AMPD1: variants seen among roughly 807,000 people sequenced by gnomAD.
AMPD1 encodes adenosine monophosphate deaminase 1, also known as AMP deaminase 1.
Under a neutral mutation model 82.9 loss-of-function variants are expected in AMPD1, and 74 were observed. That is an observed-to-expected ratio of 0.89 (90% confidence interval 0.74 to 1.08). The LOEUF is 1.08. Among genes scored for constraint, AMPD1 ranks in the 50% least tolerant of loss-of-function variants. The pLI is 0.00. For synonymous variants in AMPD1, 333 were observed against 320.5 expected, an observed-to-expected ratio of 1.04 and a Z score of -0.42; for missense variants, 881 against 924.5, an observed-to-expected ratio of 0.95 and a Z score of 0.61.
intron 3 of AMPD1, 139 bp downstream of exon 3, chr1:114,688,422 C>A: frequency 2.0e-6 from 2 of 1,008,414 alleles, no homozygotes; most frequent in Non-Finnish European, 3.1e-6. Context: ...GCCACTGTGC[C>A]CAGTCTTAGG....
chr1:114,673,167 T>C lies in AMPD1; in HGVS notation c.2191A>G (p.Thr731Ala). 6.2e-7 allele frequency: 1 copy of C among 1,614,102 alleles called. No homozygotes were observed. Among genetic ancestry groups the C allele is most frequent in the Non-Finnish European group, 8.5e-7 (1 of 1,180,004 alleles). Residue 731 changes from threonine to alanine, a missense_variant, in exon 16 of 16, where the codon ACC becomes GCC. Coordinates refer to ENST00000520113, the MANE Select transcript of AMPD1 (RefSeq NM_000036.3). Reference protein sequence around the residue: ...AQIRMAYRYETWCYELNLIAE... With the variant: ...AQIRMAYRYEAWCYELNLIAE... Reference sequence around the variant, plus strand: ...ATTAAATTGAGTTCATAACACCAGGTTTCATAGCGATAGGCCATGCGGATT... The same window carrying C: ...ATTAAATTGAGTTCATAACACCAGGCTTCATAGCGATAGGCCATGCGGATT...
chr1:114,681,934 A>G (rs943185145), intron 5 of AMPD1, among the ~76,000 whole-genome samples: 3 of 152,256 alleles, frequency 2.0e-5, no homozygotes, highest in African/African-American at 4.8e-5. Context: ...TGTAAGAGTG[A>G]TAATTCTTAT....
In AMPD1 at chr1:114,688,630, A is replaced by T. The variant is rs767938874; in HGVS notation, c.146T>A (p.Ile49Asn). 5.0e-6 allele frequency: 8 copies of T among 1,614,082 alleles called. No homozygotes were observed. The highest frequency in any genetic ancestry group is 1.3e-5 in the African/African-American group (1 of 74,936). Residue 49 changes from isoleucine (I) to asparagine (N), a missense_variant, in exon 3 of 16, where the codon ATT becomes AAT. Around this residue, in one of 2 missense-constraint regions of AMPD1, gnomAD observed 783 missense variants for 786.4 expected, o/e 1.00. Transcript: ENST00000520113. ...GTGTGCTTGCATCTCATGATGAGAA[A>T]TCGGACAGATCTCATCCACATCAAA... ...SPFDVDEICP[I>N]SHHEMQAHIF...
rs1557968226 is a variant in AMPD1, at chr1:114,674,857, ATTCAT to A, written c.1690_1694del (p.Met564TyrfsTer26). 6.2e-7 allele frequency: 1 copy of A among 1,614,146 alleles called. No homozygotes were observed. Among genetic ancestry groups the A allele is most frequent in the East Asian group, 2.2e-5 (1 of 44,870 alleles). On this transcript the variant is annotated frameshift_variant, in exon 13 of 16. Coordinates refer to ENST00000520113, the MANE Select transcript of AMPD1 (RefSeq NM_000036.3). LOFTEE classifies it high-confidence loss of function. ...CACAGTGAGGTCGGAACAGAAACGT[ATTCAT>A]GCCTCGTTCCCTGGGGAAATAGAAC...
At chr1:114,689,469 G>T (rs1469591856) in intron 2 of AMPD1, among the ~76,000 whole-genome samples, 1 of 152,054 alleles carries the variant, frequency 6.6e-6, no homozygotes, top group Admixed American at 6.6e-5. Flanking sequence ...AAAATGGGGG[G>T]AAATGATGCT....
At position 114,680,311 on chromosome 1, in the gene AMPD1, T is replaced by G. The variant is rs912949253; in HGVS notation, c.715A>C (p.Thr239Pro). The G allele has an allele frequency of 3.1e-6, 5 of 1,614,046 alleles. No homozygotes were observed. In the Admixed American group the frequency reaches 8.3e-5, roughly 27 times the overall value. ...AAAAAATTCATATCGTCTAAGAAGG[T>G]GTCCAGATTTGGGTAAGGAAGTGGC... ...PKPLPYPNLD[T>P]FLDDMNFLLA... is the part of the protein sequence containing the mutation. Residue 239 changes from threonine to proline, a missense_variant, in exon 6 of 16, where the codon ACC (threonine) becomes CCC (proline). Transcript: ENST00000520113.
intron 4 of AMPD1, among the ~76,000 whole-genome samples, chr1:114,686,320 A>G (rs182631959): frequency 5.8e-4 from 88 of 151,564 alleles, no homozygotes; most frequent in Non-Finnish European, 1.1e-3. Flanking sequence ...GGTTTATGCT[A>G]TCTGCAACCC....
chr1:114,690,515 T>C (rs2101725763), intron 2 of AMPD1, among the ~76,000 whole-genome samples: 1 of 152,322 alleles, frequency 6.6e-6, no homozygotes, highest in Non-Finnish European at 1.5e-5. Context: ...AAACCTGGTT[T>C]GTTACAGCAA....
At position 114,674,040 on chromosome 1, in the gene AMPD1, T is replaced by A. The variant is rs748560344; in HGVS notation, c.1843A>T (p.Ile615Phe). 2.5e-6 allele frequency: 4 copies of A among 1,614,022 alleles called. No homozygotes were observed. The highest frequency in any genetic ancestry group is 3.4e-6 in the Non-Finnish European group (4 of 1,179,936). The change falls in exon 14 of 16, where the codon ATC (isoleucine) becomes TTC (phenylalanine). Residue 615 changes from isoleucine (I) to phenylalanine (F), a missense_variant. By Grantham distance (21) the Ile-to-Phe change is conservative. Transcript: ENST00000520113. ...TTGTTACTTAGTGGTGACATGGCGA[T>A]GGGAATTTGGGCTAAGAAAAACAAG... The part of the protein sequence containing the change: ...QYLFFLAQIP[I>F]AMSPLSNNSL...
intron 7 of AMPD1, among the ~76,000 whole-genome samples, chr1:114,679,075 G>A (rs929478194): frequency 6.6e-6 from 1 of 152,146 alleles, no homozygotes; most frequent in African/African-American, 2.4e-5. Flanking sequence ...TCATTTTAAT[G>A]GTCAGAATAC....
At position 114,673,677 on chromosome 1, in the gene AMPD1, C is replaced by T. The variant is rs778084094; in HGVS notation, c.2047G>A (p.Ala683Thr). The change falls in exon 15 of 16, where the codon GCA becomes ACA. Residue 683 changes from alanine (A) to threonine (T), a missense_variant. This residue lies in a region of AMPD1 where 98 missense variants were observed against 138.1 expected (regional missense o/e 0.71). Coordinates refer to ENST00000520113, the MANE Select transcript of AMPD1 (RefSeq NM_000036.3). ...KLSTCDMCEV[A>T]RNSVLQCGIS... ...CCACACTGCAAGACACTGTTCCTTG[C>T]CACTTCGCACATATCACAGGTGCTC... is the stretch of plus-strand genomic sequence containing the variant. The T allele has an allele frequency of 6.2e-7, 1 of 1,614,080 alleles. No individual in the cohort carries two copies.
intron 1 of AMPD1, among the ~76,000 whole-genome samples, chr1:114,693,905 A>G (rs1658595918): frequency 6.6e-6 from 1 of 152,168 alleles, no homozygotes; most frequent in Admixed American, 6.5e-5. Flanking sequence ...CTTATACTTA[A>G]AAAAACCATA....
Position 114,686,802 on chromosome 1 carries a change from G to T in AMPD1, c.324C>A (p.Thr108=), listed in dbSNP as rs1326041278. The change falls in exon 4 of 16, where the codon ACC becomes ACA. Residue 108 remains threonine (T), a synonymous_variant. Transcript: ENST00000520113. ...TCTGAAAATCAGGCACGGTCTGGTA[G>T]GTTGGAGATGAGGAAATGTATTCAT... ...HIDEYISSSP[T]YQTVPDFQRV... is the part of the protein sequence containing the mutation. 6.2e-7 allele frequency: 1 copy of T among 1,614,158 alleles called. No individual in the cohort carries two copies. Among genetic ancestry groups the T allele is most frequent in the African/African-American group, 1.3e-5 (1 of 75,052 alleles).
rs770870863 is a variant in AMPD1 at position 114,677,504 on chromosome 1, G to C, written c.1235C>G (p.Ala412Gly). ...YFATIIKEVG[A>G]DLVEAKYQHA... is the part of the protein sequence containing the mutation. ...CTGGTACTTGGCCTCCACCAGGTCC[G>C]CACCTACCTCCTGCAAAGCCAAGAG... The change falls in exon 10 of 16, where the codon GCG becomes GGG. Residue 412 changes from alanine to glycine, a missense_variant. Ala to Gly is a moderately conservative substitution (Grantham distance 60, BLOSUM62 0). Transcript: ENST00000520113. 1.2e-6 allele frequency: 2 copies of C among 1,613,446 alleles called. No homozygotes were observed. Among genetic ancestry groups the C allele is most frequent in the African/African-American group, 2.7e-5 (2 of 74,682 alleles).
At position 114,680,268 on chromosome 1, in the gene AMPD1, T is replaced by C. The variant is rs1432083742; in HGVS notation, c.758A>G (p.Gln253Arg). 6.2e-7 allele frequency: 1 copy of C among 1,613,562 alleles called. No individual in the cohort carries two copies. The highest frequency in any genetic ancestry group is 1.3e-5 in the African/African-American group (1 of 74,928). The change falls in exon 6 of 16, where the codon CAA (glutamine) becomes CGA (arginine). Residue 253 changes from glutamine to arginine, a missense_variant. Physicochemically the swap from Gln to Arg is conservative, Grantham distance 43. Transcript: ENST00000520113. ...DMNFLLALIA[Q>R]GPVKTYTHRR... The stretch of plus-strand genomic sequence containing the variant: ...CTCACTAAACACTTACACAGGTCCT[T>C]GAGCAATTAAAGCAAGTAAAAAATT...
At chr1:114,679,829 T>C (rs1416149308) in intron 6 of AMPD1, 121 bp from the exon 7 acceptor site, 1 of 1,198,150 alleles carries the variant, frequency 8.3e-7, no homozygotes, top group East Asian at 2.4e-5. Flanking sequence ...ACAAACCTTT[T>C]AGTTTACTCT....
In AMPD1 at chr1:114,673,768, A is replaced by G; in HGVS notation, c.1975-19T>C. The stretch of plus-strand genomic sequence containing the variant: ...GGGGCTCCTGCAGTTATATTAAATG[A>G]GGAAAAAAGAGGAGTGAATTAATAA... On this transcript the variant is annotated intron_variant, in intron 14 of 15. Coordinates refer to ENST00000520113, the MANE Select transcript of AMPD1 (RefSeq NM_000036.3). The G allele has an allele frequency of 1.9e-6, 3 of 1,589,130 alleles. No individual in the cohort carries two copies. The highest frequency in any genetic ancestry group is 2.6e-6 in the Non-Finnish European group (3 of 1,157,314).
chr1:114,684,566 T>C (rs1658258022), intron 4 of AMPD1: 1 of 619,994 alleles, frequency 1.6e-6, no homozygotes, highest in African/African-American at 1.8e-5. Flanking sequence ...CTAGCTTCTT[T>C]ATTTCTACCA....
intron 9 of AMPD1, 79 bp from the exon 10 acceptor site, chr1:114,677,593 C>A: frequency 6.4e-7 from 1 of 1,571,386 alleles, no homozygotes; most frequent in Non-Finnish European, 8.7e-7. Flanking sequence ...GATTCCCTTT[C>A]TAACTCTTCC....
Sources: gnomAD v4.1 joint callset for allele counts (sites outside exome capture counted in the v4.1 genomes callset) on GRCh38, gnomAD v4.1.1 for gene constraint, gnomAD v4.1.1 regional missense constraint, MANE v1.5 for transcripts, NCBI Gene and HGNC (gene_info 2026-07-23, HGNC 2026-07-21) for gene names.